The following BTRC variants were observed in gnomAD, a reference collection of about 807,000 sequenced individuals.
The protein encoded by BTRC is F-box/WD repeat-containing protein 1A.
In BTRC, 42 loss-of-function variants were observed where a neutral mutation model predicts 85.5. The observed-to-expected ratio is 0.49, with a 90% confidence interval of 0.38 to 0.64. BTRC has a LOEUF of 0.64. Ranked by LOEUF, BTRC falls within the 30% of genes least tolerant of loss-of-function variation. The probability of loss-of-function intolerance (pLI) is 0.00; values close to 1 mark genes in which losing one functional copy is unlikely to be tolerated. For missense variants in BTRC, 594 were observed against 743.5 expected (o/e 0.80, Z 2.34); for synonymous variants, 255 against 263.3 (o/e 0.97, Z 0.30).
chr10:101,380,488 C>T (rs969580373), intron 1 of BTRC, among the ~76,000 whole-genome samples: 2 of 152,048 alleles, frequency 1.3e-5, no homozygotes, highest in East Asian at 1.9e-4. Flanking sequence ...GCACAGCAGC[C>T]GGGCAGAGGT....
chr10:101,467,460 G>T (rs986741364), intron 3 of BTRC, among the ~76,000 whole-genome samples: 2 of 151,836 alleles, frequency 1.3e-5, no homozygotes, highest in African/African-American at 4.8e-5. Context: ...CCTATCTGCC[G>T]TTGCTTTGTG....
intron 1 of BTRC, among the ~76,000 whole-genome samples, chr10:101,390,430 C>T (rs559107373): frequency 6.6e-5 from 10 of 151,422 alleles, no homozygotes; most frequent in African/African-American, 9.7e-5. Flanking sequence ...CTTCGCCTCC[C>T]GGGTTCACGC....
chr10:101,522,830 G>A (rs1210253106), intron 5 of BTRC, among the ~76,000 whole-genome samples: 2 of 152,126 alleles, frequency 1.3e-5, no homozygotes, highest in Non-Finnish European at 1.5e-5. Flanking sequence ...TGTAAGATGT[G>A]TCTTTTATAA....
intron 4 of BTRC, among the ~76,000 whole-genome samples, chr10:101,498,347 G>T (rs977314380): frequency 1.3e-5 from 2 of 151,966 alleles, no homozygotes; most frequent in African/African-American, 4.8e-5. Flanking sequence ...AGAGATGGGG[G>T]TTTCACTATT....
intron 4 of BTRC, among the ~76,000 whole-genome samples, chr10:101,521,259 G>A (rs937297495): frequency 5.9e-5 from 9 of 152,328 alleles, no homozygotes; most frequent in African/African-American, 1.4e-4. Context: ...GGGTGACAGA[G>A]TGAGACCTTG....
rs184703635 is a variant in BTRC at position 101,537,070 on chromosome 10, T to C, written c.1577+417T>C. ...TTGATTTCTTGGGTTTTTTATCTCTTTGAGTAATTTTTAAGAGTACAGTTC... is the reference window on the plus strand; with the variant it reads ...TTGATTTCTTGGGTTTTTTATCTCTCTGAGTAATTTTTAAGAGTACAGTTC... On this transcript the variant is annotated intron_variant, in intron 12 of 14. Transcript: ENST00000370187. Among the ~76,000 whole-genome samples, 24 of 152,300 alleles carry C rather than the reference T, an allele frequency of 1.6e-4. No individual in the cohort carries two copies. The East Asian group carries it at 3.9e-3, about 24-fold the overall frequency.
At chr10:101,537,802 C>T (rs887226550) in intron 12 of BTRC, among the ~76,000 whole-genome samples, 10 of 152,206 alleles carry the variant, frequency 6.6e-5, no homozygotes, top group African/African-American at 2.4e-4. Flanking sequence ...ACAATATTTT[C>T]TTATTGTCCT....
intron 4 of BTRC, among the ~76,000 whole-genome samples, chr10:101,496,838 G>A (rs567701040): frequency 3.5e-4 from 53 of 152,214 alleles, no homozygotes; most frequent in African/African-American, 1.2e-3. Context: ...TCTGGATACA[G>A]GTTATTTGTC....
chr10:101,552,109 C>T (rs1415521122), intron 14 of BTRC, among the ~76,000 whole-genome samples: 2 of 152,034 alleles, frequency 1.3e-5, no homozygotes, highest in African/African-American at 4.8e-5. Flanking sequence ...ATTTGTGCTT[C>T]TTTCCCCCTC....
intron 10 of BTRC, among the ~76,000 whole-genome samples, 189 bp downstream of exon 10, chr10:101,535,099 C>G (rs2062366394): frequency 6.6e-6 from 1 of 152,058 alleles, no homozygotes; most frequent in African/African-American, 2.4e-5. Flanking sequence ...ATATTTTATT[C>G]CTATAAATAG....
intron 6 of BTRC, among the ~76,000 whole-genome samples, chr10:101,527,686 T>G (rs2062212987): frequency 6.6e-6 from 1 of 151,808 alleles, no homozygotes; most frequent in Non-Finnish European, 1.5e-5. Context: ...TCTGGGAAGT[T>G]GAGGCTGCAG....
chr10:101,394,271 G>A (rs1327444628), intron 1 of BTRC, among the ~76,000 whole-genome samples: 6 of 152,058 alleles, frequency 3.9e-5, no homozygotes, highest in African/African-American at 9.7e-5. Flanking sequence ...TATAAATTTT[G>A]GAAATGGGAT....
chr10:101,554,343 G>C lies in BTRC; in HGVS notation c.*1220G>C, dbSNP rs2062698545. 6.6e-6 allele frequency: 1 copy of C among 152,206 alleles called. No individual in the cohort carries two copies. Among genetic ancestry groups the C allele is most frequent in the South Asian group, 2.1e-4 (1 of 4,828 alleles). The allele number at this position is 152,206 out of a possible 1,614,324, so 9.4% of individuals were successfully genotyped here. On this transcript the variant is annotated 3_prime_UTR_variant, in exon 15 of 15. Coordinates refer to ENST00000370187, the MANE Select transcript of BTRC (RefSeq NM_033637.4). ...CATCAGGGCCTGTGAATACCCAGGT[G>C]CCTGTATCTTTGCCAAGACCGTGAT...
chr10:101,469,002 T>A (rs1350915313), intron 3 of BTRC, among the ~76,000 whole-genome samples: 2 of 152,236 alleles, frequency 1.3e-5, no homozygotes, highest in African/African-American at 4.8e-5. Context: ...AATTACAGCC[T>A]GCTTTCACAA....
intron 4 of BTRC, among the ~76,000 whole-genome samples, chr10:101,493,252 G>A (rs557261561): frequency 3.3e-5 from 5 of 152,274 alleles, no homozygotes; most frequent in Admixed American, 1.3e-4. Context: ...TTTTTAAAAA[G>A]TACTAAAATC....
chr10:101,523,216 AATAAATAAATAG>A (rs1233575305), intron 5 of BTRC, among the ~76,000 whole-genome samples: 5 of 152,152 alleles, frequency 3.3e-5, no homozygotes, highest in Non-Finnish European at 5.9e-5. Flanking sequence ...AAAATAAATA[AATAAATAAATAG>A]ATAAATAAAT....
At chr10:101,431,138 G>A (rs1944394097) in intron 2 of BTRC, among the ~76,000 whole-genome samples, 1 of 145,124 alleles carries the variant, frequency 6.9e-6, no homozygotes, top group African/African-American at 2.6e-5. Context: ...GTGCAGTGGC[G>A]TGATCTCAGC....
chr10:101,354,557 T>G, intron 1 of BTRC: 1 of 365,894 alleles, frequency 2.7e-6, no homozygotes. Context: ...GGAAGCTCTC[T>G]GGAGAAACGC....
At chr10:101,369,069 A>G (rs1307572506) in intron 1 of BTRC, among the ~76,000 whole-genome samples, 3 of 152,142 alleles carry the variant, frequency 2.0e-5, no homozygotes, top group Non-Finnish European at 2.9e-5. Context: ...ACTGTAGTGG[A>G]TGATGGTACT....
Sources: gnomAD v4.1 joint callset for allele counts (sites outside exome capture counted in the v4.1 genomes callset) on GRCh38, gnomAD v4.1.1 for gene constraint, MANE v1.5 for transcripts, NCBI Gene and HGNC (gene_info 2026-07-23, HGNC 2026-07-21) for gene names.